The following DAB1 variants were observed in gnomAD, a reference collection of about 807,000 sequenced individuals.
DAB1 encodes the protein disabled homolog 1.
A neutral mutation model predicts 64.6 loss-of-function variants in DAB1; 15 were observed. That is an observed-to-expected ratio of 0.23 (90% CI 0.16 to 0.36). The LOEUF is 0.36. DAB1 is among the 10% of genes least tolerant of loss of function. The pLI is 1.00. For missense variants in DAB1, 596 were observed against 706.7 expected, an observed-to-expected ratio of 0.84 and a Z score of 1.78; for synonymous variants, 235 against 251.9, an observed-to-expected ratio of 0.93 and a Z score of 0.64.
intron 6 of DAB1, among the ~76,000 whole-genome samples, chr1:57,673,211 T>C (rs910646666): frequency 2.0e-5 from 3 of 152,130 alleles, no homozygotes; most frequent in African/African-American, 7.2e-5. Flanking sequence ...GGGACTTCAA[T>C]GAAGACTCTT....
chr1:57,276,995 G>A (rs566175874), intron 2 of DAB1, among the ~76,000 whole-genome samples: 1 of 152,298 alleles, frequency 6.6e-6, no homozygotes, highest in South Asian at 2.1e-4. Flanking sequence ...AAGAAGGGAA[G>A]AAAGGAAGGA....
intron 7 of DAB1, among the ~76,000 whole-genome samples, chr1:57,547,545 C>A (rs1318784486): frequency 1.3e-5 from 2 of 152,138 alleles, no homozygotes; most frequent in Admixed American, 1.3e-4. Flanking sequence ...GCTGATGTTA[C>A]CAAACCACAG....
intron 11 of DAB1, among the ~76,000 whole-genome samples, 176 bp from the exon 12 acceptor site, chr1:57,015,607 A>G (rs1646404518): frequency 6.6e-6 from 1 of 152,348 alleles, no homozygotes; most frequent in Non-Finnish European, 1.5e-5. Context: ...TAGAGCCTAT[A>G]TCCTAGAGAA....
At chr1:57,493,973 A>C (rs2101288377) in intron 7 of DAB1, among the ~76,000 whole-genome samples, 1 of 152,292 alleles carries the variant, frequency 6.6e-6, no homozygotes, top group Non-Finnish European at 1.5e-5. Context: ...AAAAACACTG[A>C]ACCTCGGTTT....
chr1:57,883,176 C>T (rs1220854160), intron 1 of DAB1, among the ~76,000 whole-genome samples: 1 of 152,192 alleles, frequency 6.6e-6, no homozygotes, highest in Non-Finnish European at 1.5e-5. Context: ...ATACCAACCC[C>T]TCTTCTATTT....
At chr1:57,821,210 A>G (rs1329369030), downstream of DAB1, among the ~76,000 whole-genome samples, 1 of 152,174 alleles carries the variant, frequency 6.6e-6, no homozygotes, top group Non-Finnish European at 1.5e-5. Context: ...CCTCTCACAC[A>G]GAATTAAGAT....
intron 3 of DAB1, among the ~76,000 whole-genome samples, chr1:58,425,503 A>G (rs955324087): frequency 6.6e-6 from 1 of 152,206 alleles, no homozygotes; most frequent in Non-Finnish European, 1.5e-5. Flanking sequence ...TCAGTGTTAG[A>G]TGCAGATCTG....
intron 5 of DAB1, among the ~76,000 whole-genome samples, chr1:58,071,976 A>T (rs1348029479): frequency 6.6e-6 from 1 of 151,758 alleles, no homozygotes; most frequent in African/African-American, 2.4e-5. Flanking sequence ...CTAGTAAGGA[A>T]CATGCAAAAG....
intron 2 of DAB1, among the ~76,000 whole-genome samples, chr1:57,267,399 GGAGA>G (rs1670669659): frequency 6.6e-6 from 1 of 152,202 alleles, no homozygotes; most frequent in Non-Finnish European, 1.5e-5. Context: ...AAATGAACAC[GGAGA>G]GATATTTCAA....
At chr1:58,228,992 C>G in intron 4 of DAB1, 1 of 429,722 alleles carries the variant, frequency 2.3e-6, no homozygotes, top group Non-Finnish European at 4.5e-6. Flanking sequence ...GCCCGAAGCC[C>G]CTGTCCCACC....
intron 7 of DAB1, among the ~76,000 whole-genome samples, chr1:57,612,121 T>TAAGG (rs1645734009): frequency 6.6e-6 from 1 of 152,126 alleles, no homozygotes; most frequent in Non-Finnish European, 1.5e-5. Context: ...ACCCATCTCT[T>TAAGG]ACCTAAAATA....
chr1:57,391,812 C>CACACAG (rs1553176656), intron 1 of DAB1, among the ~76,000 whole-genome samples: 8 of 141,796 alleles, frequency 5.6e-5, no homozygotes, highest in East Asian at 2.0e-4. Context: ...CACACACACA[C>CACACAG]AGAGAGAGGA....
At chr1:57,861,006 G>A (rs1025218214) in intron 1 of DAB1, 2 of 152,232 alleles carry the variant, frequency 1.3e-5, no homozygotes, top group Admixed American at 1.3e-4. Flanking sequence ...GCAAACAGCA[G>A]TGGAATTCTG....
intron 7 of DAB1, among the ~76,000 whole-genome samples, chr1:57,069,671 T>A (rs1232249969): frequency 6.6e-6 from 1 of 152,212 alleles, no homozygotes; most frequent in Non-Finnish European, 1.5e-5. Flanking sequence ...CCTCTGCAGA[T>A]CTTTCTGGAG....
At chr1:57,756,617 G>A (rs989314647) in intron 6 of DAB1, among the ~76,000 whole-genome samples, 2 of 151,948 alleles carry the variant, frequency 1.3e-5, no homozygotes, top group African/African-American at 4.8e-5. Context: ...AATAAATTGA[G>A]ATCAGTGTGG....
chr1:58,521,387 C>T (rs1173336452), intron 2 of DAB1, among the ~76,000 whole-genome samples: 6 of 149,000 alleles, frequency 4.0e-5, no homozygotes, highest in Non-Finnish European at 8.9e-5. Context: ...AGGGAAAGAA[C>T]CACATATGAA....
rs929760841 is a variant in DAB1 at position 57,231,027 on chromosome 1, G to T, written c.67+59937C>A. Reference sequence around the variant, plus strand: ...ATAATTATTAGTATTATTAATAGTTGCAATAAATGTTAGATATTATTACCA... The same window carrying T: ...ATAATTATTAGTATTATTAATAGTTTCAATAAATGTTAGATATTATTACCA... On this transcript the variant is annotated intron_variant, in intron 2 of 14. Transcript: ENST00000371236. Among the ~76,000 whole-genome samples the T allele has an allele frequency of 4.6e-5, 7 of 152,166 alleles. No homozygotes were observed. In the South Asian group the frequency reaches 1.2e-3, roughly 27 times the overall value.
chr1:57,798,117 G>A (rs373688992), intron 6 of DAB1, among the ~76,000 whole-genome samples: 3 of 152,160 alleles, frequency 2.0e-5, no homozygotes, highest in Admixed American at 2.0e-4. Context: ...TCAGCAATGA[G>A]TGACAGATTC....
chr1:58,138,556 G>T (rs1213332554), intron 5 of DAB1, among the ~76,000 whole-genome samples: 1 of 152,136 alleles, frequency 6.6e-6, no homozygotes. Context: ...TGTGCACTGG[G>T]ATCTGATCAT....
Sources: gnomAD v4.1 joint callset for allele counts (sites outside exome capture counted in the v4.1 genomes callset) on GRCh38, gnomAD v4.1.1 for gene constraint, MANE v1.5 for transcripts, NCBI Gene and HGNC (gene_info 2026-07-23, HGNC 2026-07-21) for gene names.